Variants in NR3C2 observed in about 807,000 individuals in gnomAD.
NR3C2 encodes the protein mineralocorticoid receptor.
NR3C2 carries 15 observed loss-of-function variants against 86.4 expected under a neutral mutation model. That is an observed-to-expected ratio of 0.17 (90% CI 0.12 to 0.27). The LOEUF is 0.27. NR3C2 is among the 10% of genes least tolerant of loss of function. The pLI is 1.00. For synonymous variants in NR3C2, 458 were observed against 450.5 expected (o/e 1.02, Z -0.21); for missense variants, 960 against 1,195.6 (o/e 0.80, Z 2.91).
chr4:148,416,057 A>G (rs1748980057), intron 2 of NR3C2, among the ~76,000 whole-genome samples: 1 of 152,160 alleles, frequency 6.6e-6, no homozygotes, highest in South Asian at 2.1e-4. Flanking sequence ...AAATATAAAA[A>G]ATAAATTGTA....
At chr4:148,109,515 G>C (rs753529248) in intron 8 of NR3C2, among the ~76,000 whole-genome samples, 17 of 152,208 alleles carry the variant, frequency 1.1e-4, no homozygotes, top group Non-Finnish European at 2.1e-4. Flanking sequence ...GCTCTCAAGG[G>C]TCCCACCATC....
chr4:148,100,980 A>G (rs1284575145), intron 8 of NR3C2, among the ~76,000 whole-genome samples: 2 of 152,128 alleles, frequency 1.3e-5, no homozygotes, highest in East Asian at 1.9e-4. Flanking sequence ...CAAATACTGT[A>G]TGTCTCCTCA....
At chr4:148,407,001 A>G (rs1044296863) in intron 2 of NR3C2, among the ~76,000 whole-genome samples, 1 of 152,194 alleles carries the variant, frequency 6.6e-6, no homozygotes, top group African/African-American at 2.4e-5. Context: ...CATGACAACC[A>G]TTTGCAAAGA....
At chr4:148,194,334 A>G (rs953219690) in intron 4 of NR3C2, among the ~76,000 whole-genome samples, 1 of 152,222 alleles carries the variant, frequency 6.6e-6, no homozygotes, top group East Asian at 1.9e-4. Context: ...TTTCATATAT[A>G]TCTTTCTTTA....
chr4:148,308,864 T>C (rs1232782750), intron 2 of NR3C2, among the ~76,000 whole-genome samples: 2 of 152,074 alleles, frequency 1.3e-5, no homozygotes, highest in African/African-American at 4.8e-5. Flanking sequence ...ATGCCTGTGG[T>C]CCCAGCTACT....
chr4:148,320,202 C>A (rs1406692921), intron 2 of NR3C2, among the ~76,000 whole-genome samples: 1 of 75,702 alleles, frequency 1.3e-5, no homozygotes, highest in Non-Finnish European at 2.5e-5. Flanking sequence ...TATATTGAAC[C>A]AGCCTTGCAT....
chr4:148,443,546 C>G (rs990070919), upstream of NR3C2, among the ~76,000 whole-genome samples: 2 of 150,966 alleles, frequency 1.3e-5, no homozygotes, highest in South Asian at 2.1e-4. Flanking sequence ...CGATTCTCCT[C>G]CCGCCCACCC....
chr4:148,174,875 C>A (rs186338018), intron 4 of NR3C2, among the ~76,000 whole-genome samples: 29 of 152,178 alleles, frequency 1.9e-4, no homozygotes, highest in African/African-American at 6.8e-4. Flanking sequence ...TCGGACCTAC[C>A]TTAATCTTCA....
chr4:148,322,532 T>G (rs1249537491), intron 2 of NR3C2, among the ~76,000 whole-genome samples: 2 of 88,412 alleles, frequency 2.3e-5, no homozygotes, highest in African/African-American at 6.0e-5. Flanking sequence ...GACGTAGATT[T>G]GGTCTTTTCA....
At chr4:148,444,775 C>T, upstream of NR3C2, 1 of 984,980 alleles carries the variant, frequency 1.0e-6, no homozygotes, top group Non-Finnish European at 1.2e-6. Context: ...CCCGCCCGCC[C>T]CCAGCGGCGG....
At chr4:148,387,708 T>A (rs1461487375) in intron 2 of NR3C2, among the ~76,000 whole-genome samples, 1 of 152,186 alleles carries the variant, frequency 6.6e-6, no homozygotes. Flanking sequence ...AATGGTTGTA[T>A]CCTGAGAAAA....
At chr4:148,228,954 C>G (rs1478017094) in intron 3 of NR3C2, among the ~76,000 whole-genome samples, 1 of 152,114 alleles carries the variant, frequency 6.6e-6, no homozygotes, top group Non-Finnish European at 1.5e-5. Flanking sequence ...TATAAAAGAG[C>G]TGAGAGGCAT....
chr4:148,404,559 C>T (rs1015194641), intron 2 of NR3C2, among the ~76,000 whole-genome samples: 7 of 152,040 alleles, frequency 4.6e-5, no homozygotes, highest in Non-Finnish European at 8.8e-5. Flanking sequence ...AAGTATAATG[C>T]TAGTGTAATG....
At chr4:148,145,173 C>T (rs998155818) in intron 6 of NR3C2, among the ~76,000 whole-genome samples, 2 of 152,110 alleles carry the variant, frequency 1.3e-5, no homozygotes, top group East Asian at 1.9e-4. Context: ...GGCTCAAGCA[C>T]GCGCATGAAG....
intron 4 of NR3C2, among the ~76,000 whole-genome samples, chr4:148,157,754 G>T (rs1025853645): frequency 3.3e-5 from 5 of 152,170 alleles, no homozygotes; most frequent in African/African-American, 9.7e-5. Flanking sequence ...AATCCTAACA[G>T]TCATGAGAAC....
chr4:148,280,325 A>G (rs1318321305), intron 2 of NR3C2, among the ~76,000 whole-genome samples: 4 of 152,204 alleles, frequency 2.6e-5, no homozygotes, highest in African/African-American at 7.2e-5. Flanking sequence ...CAATTTTTCA[A>G]TTTATAAATA....
chr4:148,195,925 T>G (rs1189532981), intron 3 of NR3C2, among the ~76,000 whole-genome samples: 1 of 152,202 alleles, frequency 6.6e-6, no homozygotes, highest in African/African-American at 2.4e-5. Context: ...TACTCTGAGA[T>G]GAAGCCACTA....
intron 3 of NR3C2, among the ~76,000 whole-genome samples, chr4:148,209,321 A>G (rs1035371039): frequency 6.6e-6 from 1 of 152,092 alleles, no homozygotes; most frequent in Non-Finnish European, 1.5e-5. Context: ...GCTGGAATGC[A>G]GTGGTGCAAT....
intron 3 of NR3C2, among the ~76,000 whole-genome samples, chr4:148,204,732 G>C (rs547769222): frequency 3.2e-4 from 49 of 152,280 alleles, no homozygotes; most frequent in African/African-American, 1.1e-3. Flanking sequence ...GGATAATTCA[G>C]ACAAATACAT....
Sources: gnomAD v4.1 joint callset for allele counts (sites outside exome capture counted in the v4.1 genomes callset) on GRCh38, gnomAD v4.1.1 for gene constraint, MANE v1.5 for transcripts, NCBI Gene and HGNC (gene_info 2026-07-23, HGNC 2026-07-21) for gene names.